The following CDH13 variants were observed in gnomAD, a reference collection of about 807,000 sequenced individuals.
CDH13 encodes cadherin 13, also known as cadherin-13.
In CDH13, 24 loss-of-function variants were observed where a neutral mutation model predicts 63.8. The observed-to-expected ratio is 0.38, with a 90% CI of 0.27 to 0.53. CDH13 has a LOEUF of 0.53. Ranked by LOEUF, CDH13 falls within the 20% of genes least tolerant of loss-of-function variation. The pLI is 0.85. For missense variants in CDH13, 1,049 were observed against 903.1 expected (o/e 1.16, Z -2.07); for synonymous variants, 503 against 355.3 (o/e 1.42, Z -4.67).
At chr16:82,759,808 A>G (rs1443468494) in intron 1 of CDH13, among the ~76,000 whole-genome samples, 1 of 151,990 alleles carries the variant, frequency 6.6e-6, no homozygotes, top group African/African-American at 2.4e-5. Flanking sequence ...AGAAGTGCTT[A>G]TTGAGTAATT....
chr16:82,821,078 G>T (rs1019372194), intron 1 of CDH13, among the ~76,000 whole-genome samples: 1 of 152,170 alleles, frequency 6.6e-6, no homozygotes, highest in Non-Finnish European at 1.5e-5. Flanking sequence ...AGAGGGATGG[G>T]CTCCTGTGGA....
intron 1 of CDH13, chr16:82,639,244 CTCAAAGTGGG>C (rs1445210543): frequency 1.8e-6 from 1 of 568,496 alleles, no homozygotes; most frequent in Non-Finnish European, 3.0e-6. Flanking sequence ...TTCCTAGTCT[CTCAAAGTGGG>C]TCTGGGCCCT....
At chr16:83,003,234 G>A (rs571901054) in intron 2 of CDH13, among the ~76,000 whole-genome samples, 2 of 152,360 alleles carry the variant, frequency 1.3e-5, no homozygotes, top group East Asian at 3.9e-4. Context: ...ATTTTGAGCT[G>A]AGAATTGCTC....
intron 1 of CDH13, among the ~76,000 whole-genome samples, chr16:82,852,716 C>T (rs2039543213): frequency 6.6e-6 from 1 of 152,154 alleles, no homozygotes; most frequent in Non-Finnish European, 1.5e-5. Context: ...AAGTGTTTAA[C>T]TGAATTGAGT....
intron 4 of CDH13, among the ~76,000 whole-genome samples, chr16:83,160,992 C>A (rs1014493698): frequency 2.6e-5 from 4 of 152,182 alleles, no homozygotes; most frequent in Non-Finnish European, 5.9e-5. Flanking sequence ...AGTCACAGAT[C>A]TTGAGATCGC....
At position 82,644,779 on chromosome 16, in the gene CDH13, G is replaced by A. The variant is rs563011722; in HGVS notation, c.45+17642G>A. On this transcript the variant is annotated intron_variant, in intron 1 of 13. Transcript: ENST00000567109. The surrounding 1 kb of genome is among the most constrained non-coding windows in gnomAD (Gnocchi z 5.7). ...TTAAAGCCTTTCCAGGTAGCAACAG[G>A]AGATCACGCAAAGCCACGTAAGTGT... is the stretch of plus-strand genomic sequence containing the variant. Among the ~76,000 whole-genome samples the A allele has an allele frequency of 1.3e-5, 2 of 152,258 alleles. No individual in the cohort carries two copies. Among genetic ancestry groups the A allele is most frequent in the African/African-American group, 2.4e-5 (1 of 41,544 alleles).
chr16:83,515,381 C>A (rs1446706722), intron 7 of CDH13, among the ~76,000 whole-genome samples: 1 of 152,200 alleles, frequency 6.6e-6, no homozygotes, highest in Non-Finnish European at 1.5e-5. Context: ...TTTATGCACT[C>A]ACGAAGAGTT....
intron 5 of CDH13, among the ~76,000 whole-genome samples, chr16:83,337,404 T>C (rs1336955190): frequency 6.6e-6 from 1 of 152,086 alleles, no homozygotes; most frequent in Non-Finnish European, 1.5e-5. Context: ...GAGCCCCTTT[T>C]TTCCTCCCAT....
chr16:82,788,313 A>G (rs528511056), intron 1 of CDH13, among the ~76,000 whole-genome samples: 2 of 152,260 alleles, frequency 1.3e-5, no homozygotes, highest in South Asian at 2.1e-4. Context: ...GTTACTACCC[A>G]TTACATCTGC....
intron 4 of CDH13, among the ~76,000 whole-genome samples, chr16:83,153,671 G>T (rs572877673): frequency 6.6e-6 from 1 of 152,080 alleles, no homozygotes; most frequent in Non-Finnish European, 1.5e-5. Context: ...TTGCAAAGGC[G>T]GTTTCAATCC....
chr16:83,626,059 G>C (rs1029490785), intron 8 of CDH13, among the ~76,000 whole-genome samples: 8 of 150,392 alleles, frequency 5.3e-5, no homozygotes, highest in Admixed American at 2.0e-4. Context: ...TGCCCAGGCT[G>C]GAGTGCAGTG....
chr16:83,199,882 G>T (rs747108947), intron 4 of CDH13, among the ~76,000 whole-genome samples: 1 of 152,136 alleles, frequency 6.6e-6, no homozygotes, highest in African/African-American at 2.4e-5. Flanking sequence ...GGGCACATTA[G>T]AGCCAGCGTA....
intron 1 of CDH13, among the ~76,000 whole-genome samples, chr16:82,765,095 C>T (rs1240472306): frequency 6.6e-6 from 1 of 152,206 alleles, no homozygotes; most frequent in East Asian, 1.9e-4. Flanking sequence ...TGCCTTCATT[C>T]ATTCTTAAAT....
intron 6 of CDH13, among the ~76,000 whole-genome samples, chr16:83,437,504 C>T (rs895049072): frequency 6.6e-5 from 10 of 151,892 alleles, no homozygotes; most frequent in African/African-American, 1.9e-4. Flanking sequence ...AGTGAAACCC[C>T]GTCTCTACTA....
intron 7 of CDH13, among the ~76,000 whole-genome samples, chr16:83,555,051 A>G (rs148196615): frequency 4.7e-3 from 711 of 152,238 alleles, no homozygotes; most frequent in Non-Finnish European, 6.2e-3. Flanking sequence ...CATTGAGTGA[A>G]AAAGCAAGTC....
intron 1 of CDH13, among the ~76,000 whole-genome samples, chr16:82,682,956 C>G (rs1352168912): frequency 6.6e-6 from 1 of 152,194 alleles, no homozygotes; most frequent in East Asian, 1.9e-4. Flanking sequence ...GCCCTAGGAA[C>G]ACACTATCTC....
At chr16:83,208,271 G>T (rs1055999145) in intron 4 of CDH13, among the ~76,000 whole-genome samples, 2 of 152,302 alleles carry the variant, frequency 1.3e-5, no homozygotes, top group East Asian at 3.9e-4. Context: ...GGTTGAACAT[G>T]GTTGAGCAGC....
At chr16:83,371,495 T>A (rs1278691248) in intron 6 of CDH13, among the ~76,000 whole-genome samples, 1 of 152,354 alleles carries the variant, frequency 6.6e-6, no homozygotes, top group South Asian at 2.1e-4. Context: ...CATGTATACA[T>A]CTGCTGTTGT....
intron 1 of CDH13, among the ~76,000 whole-genome samples, chr16:82,640,557 A>G (rs993624395): frequency 3.9e-5 from 6 of 152,172 alleles, no homozygotes; most frequent in Non-Finnish European, 8.8e-5. Context: ...ATAAAATGTT[A>G]TTTACAAACA....
Sources: gnomAD v4.1 joint callset for allele counts (sites outside exome capture counted in the v4.1 genomes callset) on GRCh38, gnomAD v4.1.1 for gene constraint, Gnocchi (gnomAD v3.1) non-coding constraint, MANE v1.5 for transcripts, NCBI Gene and HGNC (gene_info 2026-07-23, HGNC 2026-07-21) for gene names.